XKR6: variants seen among roughly 807,000 people sequenced by gnomAD.
The protein encoded by XKR6 is XK-related protein 6.
Under a neutral mutation model 56.7 loss-of-function variants are expected in XKR6, and 22 were observed. That is an observed-to-expected ratio of 0.39 (90% confidence interval 0.28 to 0.55). XKR6 has a LOEUF of 0.55. Among genes scored for constraint, XKR6 ranks in the 20% least tolerant of loss-of-function variants. The pLI is 0.66. For synonymous variants in XKR6, 524 were observed against 387.8 expected, an observed-to-expected ratio of 1.35 and a Z score of -4.13; for missense variants, 852 against 889.0, an observed-to-expected ratio of 0.96 and a Z score of 0.53.
At chr8:10,944,446 A>T (rs1801474393) in intron 1 of XKR6, among the ~76,000 whole-genome samples, 1 of 152,186 alleles carries the variant, frequency 6.6e-6, no homozygotes, top group Non-Finnish European at 1.5e-5. Flanking sequence ...GGTTGGACCC[A>T]CTGACCTTTC....
intron 1 of XKR6, among the ~76,000 whole-genome samples, chr8:10,946,844 A>G (rs1253377768): frequency 6.6e-6 from 1 of 152,166 alleles, no homozygotes; most frequent in Non-Finnish European, 1.5e-5. Context: ...TAGGCATGAG[A>G]TATTTCTGTC....
intron 1 of XKR6, among the ~76,000 whole-genome samples, chr8:10,984,772 A>G (rs1021771340): frequency 2.2e-5 from 3 of 138,892 alleles, no homozygotes; most frequent in Non-Finnish European, 4.6e-5. Flanking sequence ...AGAAATGTGC[A>G]TGAAGAAAAC....
rs575051376 is a variant in XKR6, at chr8:11,083,058, T to C, written c.764+117518A>G. Among the ~76,000 whole-genome samples the C allele has an allele frequency of 1.6e-4, 24 of 152,288 alleles. No homozygotes were observed. In the South Asian group the frequency reaches 4.6e-3, roughly 29 times the overall value. On this transcript the variant is annotated intron_variant, in intron 1 of 2. Coordinates refer to ENST00000416569, the MANE Select transcript of XKR6 (RefSeq NM_173683.4). The stretch of plus-strand genomic sequence containing the variant: ...TTTAGAATCCTCCTGCCCTGAGGTT[T>C]CTGATCCTGTGAGTCTCCTCTGGAA...
In XKR6 at chr8:10,971,238, G is replaced by A. The variant is rs149380116; in HGVS notation, c.765-46408C>T. On this transcript the variant is annotated intron_variant, in intron 1 of 2. Transcript: ENST00000416569. Reference sequence around the variant, plus strand: ...AGATCAAGATCATCCTGGCTAACACGGCGAAACTCCACCTCTACTAAAAAT... The same window carrying A: ...AGATCAAGATCATCCTGGCTAACACAGCGAAACTCCACCTCTACTAAAAAT... Among the ~76,000 whole-genome samples, 53 of 151,758 alleles carry A rather than the reference G, an allele frequency of 3.5e-4. No individual in the cohort carries two copies. The East Asian group carries it at 9.4e-3, about 27-fold the overall frequency.
intron 2 of XKR6, among the ~76,000 whole-genome samples, chr8:10,916,538 G>A (rs980169023): frequency 6.6e-6 from 1 of 152,208 alleles, no homozygotes; most frequent in African/African-American, 2.4e-5. Context: ...GGAAAGAGAG[G>A]AGGCCATTCA....
chr8:11,128,737 C>A, intron 1 of XKR6: 1 of 419,912 alleles, frequency 2.4e-6, no homozygotes, highest in Admixed American at 2.8e-5. Flanking sequence ...TAAAAATCTT[C>A]ACATCATCCT....
chr8:11,180,978 G>A (rs1585026579), intron 1 of XKR6, among the ~76,000 whole-genome samples: 1 of 152,258 alleles, frequency 6.6e-6, no homozygotes. Flanking sequence ...ATACAATAAT[G>A]ACATACAGGG....
chr8:10,975,038 T>G (rs922515877), intron 1 of XKR6, among the ~76,000 whole-genome samples: 1 of 152,196 alleles, frequency 6.6e-6, no homozygotes, highest in South Asian at 2.1e-4. Flanking sequence ...CTCTGCCCCT[T>G]GCTGGCAGGT....
At chr8:11,069,704 G>C (rs1415370152) in intron 1 of XKR6, among the ~76,000 whole-genome samples, 1 of 124,040 alleles carries the variant, frequency 8.1e-6, no homozygotes, top group Non-Finnish European at 1.6e-5. Flanking sequence ...GGGAACATAG[G>C]TGCAAGAGAG....
chr8:10,924,934 C>G (rs1014825002), intron 1 of XKR6, 104 bp from the exon 2 acceptor site: 205 of 1,226,932 alleles, frequency 1.7e-4, no homozygotes, highest in Non-Finnish European at 2.2e-4. Flanking sequence ...ATCCCCCCAA[C>G]TCCCTATGCT....
At chr8:11,096,855 A>T (rs1483623839) in intron 1 of XKR6, among the ~76,000 whole-genome samples, 1 of 152,204 alleles carries the variant, frequency 6.6e-6, no homozygotes, top group Admixed American at 6.5e-5. Flanking sequence ...CATACTCAAG[A>T]CCTCACTGAA....
At chr8:11,094,248 T>C (rs1417412312) in intron 1 of XKR6, among the ~76,000 whole-genome samples, 1 of 152,034 alleles carries the variant, frequency 6.6e-6, no homozygotes. Flanking sequence ...CATATATATG[T>C]ATGTATCTCG....
At chr8:10,929,835 T>G (rs567404639) in intron 1 of XKR6, among the ~76,000 whole-genome samples, 11 of 152,214 alleles carry the variant, frequency 7.2e-5, no homozygotes, top group Non-Finnish European at 1.2e-4. Context: ...TGAGGTGCCC[T>G]GTTCCTGTGT....
intron 2 of XKR6, among the ~76,000 whole-genome samples, chr8:10,914,345 G>A (rs990777117): frequency 6.6e-6 from 1 of 152,078 alleles, no homozygotes; most frequent in African/African-American, 2.4e-5. Context: ...GTAGTGAGAG[G>A]GACATAAACA....
At chr8:11,049,110 A>G (rs1199997543) in intron 1 of XKR6, among the ~76,000 whole-genome samples, 1 of 152,156 alleles carries the variant, frequency 6.6e-6, no homozygotes, top group Admixed American at 6.5e-5. Flanking sequence ...TGGGGAGGAA[A>G]GGGCTCTGGG....
intron 1 of XKR6, among the ~76,000 whole-genome samples, chr8:10,967,430 C>A (rs1802258523): frequency 6.6e-6 from 1 of 152,172 alleles, no homozygotes; most frequent in African/African-American, 2.4e-5. Flanking sequence ...TTCTTGGGGG[C>A]TATGCCAGGA....
intron 1 of XKR6, among the ~76,000 whole-genome samples, chr8:11,097,371 G>T (rs985429454): frequency 6.6e-6 from 1 of 151,938 alleles, no homozygotes; most frequent in South Asian, 2.1e-4. Context: ...TAGAAAACTT[G>T]GGTTCCAGCA....
chr8:11,151,986 A>C (rs1335698869), intron 1 of XKR6, among the ~76,000 whole-genome samples: 2 of 152,246 alleles, frequency 1.3e-5, no homozygotes, highest in Non-Finnish European at 2.9e-5. Context: ...AGAGTCAAGA[A>C]GATCACAAGA....
At chr8:11,158,287 C>T (rs1018441491) in intron 1 of XKR6, among the ~76,000 whole-genome samples, 3 of 152,114 alleles carry the variant, frequency 2.0e-5, no homozygotes, top group East Asian at 1.9e-4. Context: ...TTAAAAGTAA[C>T]ACTTAGAATA....
Sources: gnomAD v4.1 joint callset for allele counts (sites outside exome capture counted in the v4.1 genomes callset) on GRCh38, gnomAD v4.1.1 for gene constraint, MANE v1.5 for transcripts, NCBI Gene and HGNC (gene_info 2026-07-23, HGNC 2026-07-21) for gene names.